Variants in BBS9 observed in about 807,000 individuals in gnomAD.
BBS9 encodes the protein Bardet-Biedl syndrome 9, also known as protein PTHB1.
BBS9 carries 89 observed loss-of-function variants against 117.7 expected under a neutral mutation model. The ratio of observed to expected loss-of-function variants is 0.76; its 90% CI spans 0.64 to 0.90. The LOEUF is 0.90. Among genes scored for constraint, BBS9 ranks in the 40% least tolerant of loss-of-function variants. The probability of loss-of-function intolerance (pLI) is 0.00; values close to 1 mark genes in which losing one functional copy is unlikely to be tolerated. For synonymous variants in BBS9, 379 were observed against 370.9 expected, an observed-to-expected ratio of 1.02 and a Z score of -0.25; for missense variants, 982 against 1,042.2, an observed-to-expected ratio of 0.94 and a Z score of 0.80.
At chr7:33,432,254 G>A (rs1330209354) in intron 19 of BBS9, among the ~76,000 whole-genome samples, 3 of 149,092 alleles carry the variant, frequency 2.0e-5, no homozygotes, top group Non-Finnish European at 4.4e-5. Flanking sequence ...GACTACAGGT[G>A]CCCGCCACCA....
At chr7:33,206,329 T>A (rs1160848918) in intron 5 of BBS9, among the ~76,000 whole-genome samples, 4 of 152,320 alleles carry the variant, frequency 2.6e-5, no homozygotes, top group Non-Finnish European at 4.4e-5. Context: ...TTTAAGCCAT[T>A]GTATTTTGGG....
Position 33,322,939 on chromosome 7 carries a change from T to G in BBS9, c.1017-13502T>G, listed in dbSNP as rs149946550. On this transcript the variant is annotated intron_variant, in intron 9 of 22. Coordinates refer to ENST00000242067, the MANE Select transcript of BBS9 (RefSeq NM_198428.3). ...TAGGTTTTGGAATATTACATTTCCA[T>G]TATCGTTTATTTCAAGAAAATTTTC... Among the ~76,000 whole-genome samples the G allele has an allele frequency of 2.6e-5, 4 of 152,294 alleles. No homozygotes were observed. In the East Asian group the frequency reaches 7.7e-4, roughly 29 times the overall value.
In BBS9 at chr7:33,343,832, C is replaced by G. The variant is rs182412125; in HGVS notation, c.1276-749C>G. Among the ~76,000 whole-genome samples the G allele has an allele frequency of 2.2e-4, 33 of 151,200 alleles. No individual in the cohort carries two copies. The East Asian group carries it at 6.4e-3, about 29-fold the overall frequency. ...TTTTATGGGTGTAAGGCCACTCAATCTTTATATCATTAGCTGCATGTCTTA... is the reference window on the plus strand; with the variant it reads ...TTTTATGGGTGTAAGGCCACTCAATGTTTATATCATTAGCTGCATGTCTTA... On this transcript the variant is annotated intron_variant, in intron 11 of 22. Transcript: ENST00000242067.
intron 19 of BBS9, among the ~76,000 whole-genome samples, chr7:33,465,382 G>A (rs1170007451): frequency 6.6e-6 from 1 of 151,864 alleles, no homozygotes; most frequent in Non-Finnish European, 1.5e-5. Context: ...GGGGCACTGT[G>A]AACTGCACAC....
chr7:33,507,877 CA>C (rs1479554175), intron 20 of BBS9, among the ~76,000 whole-genome samples: 1 of 152,136 alleles, frequency 6.6e-6, no homozygotes, highest in East Asian at 1.9e-4. Context: ...GTACTAAAAG[CA>C]AAGCTTTTTT....
chr7:33,568,862 C>G (rs1348944766), intron 21 of BBS9, among the ~76,000 whole-genome samples: 2 of 151,938 alleles, frequency 1.3e-5, no homozygotes, highest in African/African-American at 4.8e-5. Context: ...AAATCAGAAA[C>G]TAAAGAGATT....
At chr7:33,216,362 C>T (rs1789062643) in intron 5 of BBS9, among the ~76,000 whole-genome samples, 1 of 152,200 alleles carries the variant, frequency 6.6e-6, no homozygotes, top group East Asian at 1.9e-4. Flanking sequence ...TCAGTCCTAT[C>T]CTTCAAAAAA....
chr7:33,321,789 A>C (rs1315492080), intron 9 of BBS9, among the ~76,000 whole-genome samples: 1 of 151,986 alleles, frequency 6.6e-6, no homozygotes, highest in Non-Finnish European at 1.5e-5. Flanking sequence ...CATCCTTGTC[A>C]TGTTCCAGAT....
At chr7:33,247,344 C>T (rs1467889204) in intron 5 of BBS9, among the ~76,000 whole-genome samples, 1 of 152,112 alleles carries the variant, frequency 6.6e-6, no homozygotes, top group Non-Finnish European at 1.5e-5. Context: ...ACTGATAGAG[C>T]TCCCAGGGGT....
At chr7:33,274,562 A>T (rs546328221) in intron 9 of BBS9, among the ~76,000 whole-genome samples, 86 of 152,244 alleles carry the variant, frequency 5.6e-4, no homozygotes, top group Middle Eastern at 6.3e-3. Context: ...TGAGATGCCG[A>T]TGAACTTTTT....
intron 9 of BBS9, among the ~76,000 whole-genome samples, chr7:33,322,356 CTTTTTT>C (rs35411730): frequency 4.0e-5 from 3 of 74,162 alleles, no homozygotes; most frequent in African/African-American, 1.4e-4. Flanking sequence ...GGGTCTCAGG[CTTTTTT>C]TTTTTTTTTT....
At chr7:33,260,717 G>A (rs954717212) in intron 6 of BBS9, among the ~76,000 whole-genome samples, 4 of 152,208 alleles carry the variant, frequency 2.6e-5, no homozygotes, top group African/African-American at 7.2e-5. Flanking sequence ...AAGTCAGTCA[G>A]CTACTTCAGT....
chr7:33,134,880 GC>G (rs1290346866), intron 1 of BBS9, among the ~76,000 whole-genome samples: 11 of 152,132 alleles, frequency 7.2e-5, no homozygotes, highest in Non-Finnish European at 2.9e-5. Context: ...ACAGGCGTCA[GC>G]CACTGCACCT....
chr7:33,605,118 G>C, intron 22 of BBS9, 77 bp from the exon 23 acceptor site: 2 of 1,509,454 alleles, frequency 1.3e-6, no homozygotes. Context: ...TGGTGCAGCT[G>C]AATTTGATCC....
Position 33,221,166 on chromosome 7 carries a change from T to G in BBS9, c.443-36070T>G, listed in dbSNP as rs545164405. On this transcript the variant is annotated intron_variant, in intron 5 of 22. Transcript: ENST00000242067. ...TTTCTGCTTGTTTATACCTAGATAA[T>G]TTGTTCATACCTTACCTTTAATTAT... Among the ~76,000 whole-genome samples the G allele has an allele frequency of 4.6e-4, 70 of 152,322 alleles. 1 individual carries two copies. The highest frequency in any genetic ancestry group is 1.5e-3 in the African/African-American group (63 of 41,568).
chr7:33,558,504 G>A (rs1205812961), intron 21 of BBS9, among the ~76,000 whole-genome samples: 1 of 152,184 alleles, frequency 6.6e-6, no homozygotes, highest in Non-Finnish European at 1.5e-5. Context: ...CAGGGTGACT[G>A]GGGAGAATGA....
Position 33,334,835 on chromosome 7 carries a change from G to A in BBS9, c.1017-1606G>A, listed in dbSNP as rs868807263. Among the ~76,000 whole-genome samples, 4 of 152,304 alleles carry A rather than the reference G, an allele frequency of 2.6e-5. No individual in the cohort carries two copies. The South Asian group carries it at 6.2e-4, about 24-fold the overall frequency. On this transcript the variant is annotated intron_variant, in intron 9 of 22. Coordinates refer to ENST00000242067, the MANE Select transcript of BBS9 (RefSeq NM_198428.3). Reference sequence around the variant, plus strand: ...CATCAGAGCCAGACTCAAGTCTCCTGCGTCCTAGTCTAGTTCTTTAGCTGT... The same window carrying A: ...CATCAGAGCCAGACTCAAGTCTCCTACGTCCTAGTCTAGTTCTTTAGCTGT...
At chr7:33,561,472 G>C (rs1304077157) in intron 21 of BBS9, among the ~76,000 whole-genome samples, 1 of 152,198 alleles carries the variant, frequency 6.6e-6, no homozygotes, top group East Asian at 1.9e-4. Context: ...CGTAGAGGTA[G>C]TAGCCACCTG....
intron 19 of BBS9, among the ~76,000 whole-genome samples, chr7:33,480,260 TAAC>T (rs1842350731): frequency 6.6e-6 from 1 of 152,216 alleles, no homozygotes; most frequent in African/African-American, 2.4e-5. Flanking sequence ...TTCCCAGTGT[TAAC>T]AACAGCAGCA....
Sources: allele counts gnomAD v4.1 joint callset (sites outside exome capture counted in the v4.1 genomes callset), GRCh38; gene constraint gnomAD v4.1.1; transcripts MANE v1.5; gene names NCBI Gene and HGNC (gene_info 2026-07-23, HGNC 2026-07-21).